The following MYO3B variants were observed in gnomAD, a reference collection of about 807,000 sequenced individuals.
MYO3B encodes the protein myosin-IIIb.
In MYO3B, 156 loss-of-function variants were observed where a neutral mutation model predicts 174.6. The observed-to-expected ratio is 0.89, with a 90% CI of 0.78 to 1.02. The LOEUF is 1.02. Ranked by LOEUF, MYO3B falls within the 50% of genes least tolerant of loss-of-function variation. The probability of loss-of-function intolerance (pLI) is 0.00; values close to 1 mark genes in which losing one functional copy is unlikely to be tolerated. For synonymous variants in MYO3B, 563 were observed against 569.1 expected, an observed-to-expected ratio of 0.99 and a Z score of 0.15; for missense variants, 1,632 against 1,639.4, an observed-to-expected ratio of 1.00 and a Z score of 0.08.
At chr2:170,651,032 A>G (rs993521329) in intron 32 of MYO3B, among the ~76,000 whole-genome samples, 21 of 152,098 alleles carry the variant, frequency 1.4e-4, no homozygotes, top group Non-Finnish European at 5.9e-5. Context: ...AATCAGGACA[A>G]ACAGGGAGAG....
intron 32 of MYO3B, among the ~76,000 whole-genome samples, chr2:170,633,881 A>G (rs1182302044): frequency 6.6e-6 from 1 of 152,232 alleles, no homozygotes; most frequent in Non-Finnish European, 1.5e-5. Flanking sequence ...TACAAAGAGA[A>G]TAAAATACCT....
intron 29 of MYO3B, among the ~76,000 whole-genome samples, chr2:170,519,047 C>T (rs1375354284): frequency 6.6e-6 from 1 of 152,192 alleles, no homozygotes; most frequent in African/African-American, 2.4e-5. Context: ...CTTGCCCTAT[C>T]CACATCAGCA....
chr2:170,528,438 G>A (rs887184920), intron 30 of MYO3B, among the ~76,000 whole-genome samples: 5 of 152,048 alleles, frequency 3.3e-5, no homozygotes, highest in Non-Finnish European at 7.4e-5. Flanking sequence ...ATGGAGTTTC[G>A]CTCTATCGCC....
intron 32 of MYO3B, among the ~76,000 whole-genome samples, chr2:170,625,266 G>T (rs1160633735): frequency 2.6e-5 from 4 of 151,622 alleles, no homozygotes; most frequent in Non-Finnish European, 5.9e-5. Flanking sequence ...TCTATTCAGA[G>T]ATTCAGCTTC....
chr2:170,327,324 G>A (rs1315477041), intron 7 of MYO3B, among the ~76,000 whole-genome samples: 1 of 152,222 alleles, frequency 6.6e-6, no homozygotes, highest in African/African-American at 2.4e-5. Flanking sequence ...GATGGAGATT[G>A]AAGTGAGCTG....
chr2:170,513,120 C>A (rs188393126), intron 28 of MYO3B, among the ~76,000 whole-genome samples: 1 of 152,292 alleles, frequency 6.6e-6, no homozygotes, highest in Non-Finnish European at 1.5e-5. Flanking sequence ...CTGAAAGTAC[C>A]TACCGTTCAG....
At chr2:170,493,347 C>T (rs1686614867) in intron 25 of MYO3B, among the ~76,000 whole-genome samples, 2 of 151,796 alleles carry the variant, frequency 1.3e-5, no homozygotes, top group South Asian at 4.2e-4. Context: ...TTTTTTTTCC[C>T]CTTGCATCAA....
chr2:170,524,809 A>G (rs1433458032), intron 30 of MYO3B, among the ~76,000 whole-genome samples: 2 of 152,086 alleles, frequency 1.3e-5, no homozygotes, highest in African/African-American at 4.8e-5. Flanking sequence ...TACACGCATT[A>G]TCCTGTTCAA....
At chr2:170,515,446 CTGAT>C (rs1171402772) in intron 29 of MYO3B, among the ~76,000 whole-genome samples, 1 of 152,102 alleles carries the variant, frequency 6.6e-6, no homozygotes, top group African/African-American at 2.4e-5. Context: ...AGATCTCAGA[CTGAT>C]TGAGAACATT....
intron 7 of MYO3B, among the ~76,000 whole-genome samples, chr2:170,280,298 T>C (rs1222789123): frequency 6.6e-6 from 1 of 152,180 alleles, no homozygotes; most frequent in African/African-American, 2.4e-5. Flanking sequence ...TTGTCCACTT[T>C]TTAGTGGGGT....
At chr2:170,624,507 G>A (rs1033962586) in intron 32 of MYO3B, among the ~76,000 whole-genome samples, 7 of 152,202 alleles carry the variant, frequency 4.6e-5, no homozygotes, top group Non-Finnish European at 1.0e-4. Flanking sequence ...CATGTCATCT[G>A]CAAACAGGGA....
At position 170,501,573 on chromosome 2, in the gene MYO3B, C is replaced by T. The variant is rs182858246; in HGVS notation, c.3290-212C>T. ...CTGGAAATCACTGCCTGAACAAAAG[C>T]AACCCCTCAGAAGCATCTTTAAAGC... On this transcript the variant is annotated intron_variant, in intron 27 of 34. Coordinates refer to ENST00000408978, the MANE Select transcript of MYO3B (RefSeq NM_138995.5). Among the ~76,000 whole-genome samples, 20 of 152,296 alleles carry T rather than the reference C, an allele frequency of 1.3e-4. No homozygotes were observed. In the East Asian group the frequency reaches 3.3e-3, roughly 25 times the overall value.
chr2:170,228,301 C>T (rs971533672), intron 6 of MYO3B, among the ~76,000 whole-genome samples: 2 of 152,154 alleles, frequency 1.3e-5, no homozygotes, highest in Non-Finnish European at 2.9e-5. Flanking sequence ...AATCAACTGA[C>T]TCTCCCCTCA....
In MYO3B at chr2:170,443,910, A is replaced by G. The variant is rs932090821; in HGVS notation, c.2651-57A>G. Reference sequence around the variant, plus strand: ...AAGGACCCAAAGGGAAAAATTACTCATGATCCTATTTCTTAACTTTTCCTT... The same window carrying G: ...AAGGACCCAAAGGGAAAAATTACTCGTGATCCTATTTCTTAACTTTTCCTT... On this transcript the variant is annotated intron_variant, in intron 22 of 34. Transcript: ENST00000408978. 2.8e-6 allele frequency: 4 copies of G among 1,451,804 alleles called. No individual in the cohort carries two copies. In the Admixed American group the frequency reaches 5.1e-5, roughly 19 times the overall value. 89.9% of individuals were successfully genotyped at this position (1,451,804 alleles called of 1,614,324 possible). A position where few individuals can be genotyped will look rare whatever the true frequency, so the allele number is the denominator to read the frequency against.
At chr2:170,560,186 T>A (rs1159752122) in intron 32 of MYO3B, among the ~76,000 whole-genome samples, 3 of 152,214 alleles carry the variant, frequency 2.0e-5, no homozygotes, top group African/African-American at 7.2e-5. Context: ...TGCGCTACAA[T>A]TTCTAAAAAA....
At chr2:170,647,141 C>T (rs773353908) in intron 32 of MYO3B, among the ~76,000 whole-genome samples, 2 of 152,066 alleles carry the variant, frequency 1.3e-5, no homozygotes, top group African/African-American at 4.8e-5. Context: ...TAACTCATCT[C>T]GAATTTATTG....
At chr2:170,251,104 C>T (rs191447464) in intron 7 of MYO3B, among the ~76,000 whole-genome samples, 46 of 152,214 alleles carry the variant, frequency 3.0e-4, no homozygotes, top group Middle Eastern at 6.8e-3. Flanking sequence ...CTCTTCTACC[C>T]AGTATTTCCC....
intron 7 of MYO3B, among the ~76,000 whole-genome samples, chr2:170,329,883 A>G (rs927184689): frequency 6.6e-6 from 1 of 152,242 alleles, no homozygotes; most frequent in Non-Finnish European, 1.5e-5. Flanking sequence ...GGATTTACCA[A>G]TTGTAATCAG....
Position 170,501,819 on chromosome 2 carries a change from G to A in MYO3B, c.3324G>A (p.Lys1108=), listed in dbSNP as rs762011541. ...GATATGATGCTCGGAGGAAATTTAA[G>A]AAAATAAGCAACAGAAGGAATGAGT... ...WRGYDARRKF[K]KISNRRNESA... Residue 1108 remains lysine (K), a synonymous_variant, in exon 28 of 35, where the codon AAG becomes AAA. Coordinates refer to ENST00000408978, the MANE Select transcript of MYO3B (RefSeq NM_138995.5). The A allele has an allele frequency of 3.1e-6, 5 of 1,613,084 alleles. No individual in the cohort carries two copies. The South Asian group carries it at 5.5e-5, about 18-fold the overall frequency.
Sources: allele counts gnomAD v4.1 joint callset (sites outside exome capture counted in the v4.1 genomes callset), GRCh38; gene constraint gnomAD v4.1.1; transcripts MANE v1.5; gene names NCBI Gene and HGNC (gene_info 2026-07-23, HGNC 2026-07-21).